Variants in CIRSR observed in about 807,000 individuals in gnomAD.
CIRSR encodes the protein CBF1 (RBPJ) interacting corepressor 1.
the CIRSR span, chr2:174,351,561 C>T: frequency 1.4e-6 from 2 of 1,408,760 alleles, no homozygotes; most frequent in South Asian, 2.4e-5. Flanking sequence ...TAGCAATTCA[C>T]AAGCAATCAC....
chr2:174,377,616 A>C, the CIRSR span, among the ~76,000 whole-genome samples: 1 of 152,124 alleles, frequency 6.6e-6, no homozygotes, highest in South Asian at 2.1e-4. Context: ...CCAGGAGTTC[A>C]AGACCAGCCT....
the CIRSR span, chr2:174,348,826 C>T: frequency 7.4e-6 from 12 of 1,614,158 alleles, no homozygotes; most frequent in South Asian, 1.1e-5. Context: ...CTAGAACTCT[C>T]GTGTTTTAAG....
At chr2:174,353,217 A>G in the CIRSR span, among the ~76,000 whole-genome samples, 11 of 152,244 alleles carry the variant, frequency 7.2e-5, no homozygotes, top group African/African-American at 9.6e-5. Flanking sequence ...TAGTTTTAGG[A>G]AAAAAAGCCT....
the CIRSR span, chr2:174,381,901 T>C: frequency 9.2e-6 from 6 of 650,714 alleles, 1 homozygote; most frequent in Non-Finnish European, 1.6e-5. Flanking sequence ...GAAACAGAGT[T>C]CTAAAACTTT....
the CIRSR span, among the ~76,000 whole-genome samples, chr2:174,360,145 CA>C: frequency 2.0e-5 from 3 of 152,178 alleles, no homozygotes; most frequent in African/African-American, 7.2e-5. Context: ...ACCAACATGG[CA>C]CATGTATACA....
At chr2:174,363,237 T>A in the CIRSR span, among the ~76,000 whole-genome samples, 1 of 152,136 alleles carries the variant, frequency 6.6e-6, no homozygotes, top group Non-Finnish European at 1.5e-5. Context: ...CTCCCCTATA[T>A]CTTACTACCA....
At chr2:174,354,148 T>A in the CIRSR span, among the ~76,000 whole-genome samples, 1 of 151,764 alleles carries the variant, frequency 6.6e-6, no homozygotes, top group Non-Finnish European at 1.5e-5. Context: ...TATTAAACAA[T>A]CATTACTCTT....
At chr2:174,386,143 A>G in the CIRSR span, among the ~76,000 whole-genome samples, 1 of 152,074 alleles carries the variant, frequency 6.6e-6, no homozygotes, top group African/African-American at 2.4e-5. Flanking sequence ...CCATTTTCCA[A>G]TATGTTTTTA....
the CIRSR span, chr2:174,348,688 G>C: frequency 6.2e-7 from 1 of 1,614,054 alleles, no homozygotes; most frequent in South Asian, 1.1e-5. Context: ...CGGCTTCTCC[G>C]GCTCCTTTCC....
chr2:174,381,802 C>T, the CIRSR span: 17 of 1,487,652 alleles, frequency 1.1e-5, no homozygotes, highest in Non-Finnish European at 1.4e-5. Flanking sequence ...ACAAAGTTAA[C>T]GATTTTATGT....
chr2:174,377,332 C>T, the CIRSR span, among the ~76,000 whole-genome samples: 1 of 152,102 alleles, frequency 6.6e-6, no homozygotes, highest in Non-Finnish European at 1.5e-5. Flanking sequence ...GCCTTTCTCC[C>T]TTCTTCTACT....
At chr2:174,375,662 T>A in the CIRSR span, among the ~76,000 whole-genome samples, 1 of 152,206 alleles carries the variant, frequency 6.6e-6, no homozygotes, top group Non-Finnish European at 1.5e-5. Flanking sequence ...TGTGCCAATA[T>A]TGGATGCATA....
At chr2:174,351,172 G>T in the CIRSR span, among the ~76,000 whole-genome samples, 8 of 152,052 alleles carry the variant, frequency 5.3e-5, 1 homozygote, top group African/African-American at 1.9e-4. Flanking sequence ...AATTTCAACA[G>T]CACATTATCA....
the CIRSR span, among the ~76,000 whole-genome samples, chr2:174,364,177 C>T: frequency 6.6e-6 from 1 of 152,160 alleles, no homozygotes; most frequent in Non-Finnish European, 1.5e-5. Flanking sequence ...GCTACAGGCT[C>T]CATGCAAGTC....
At chr2:174,350,887 G>A in the CIRSR span, 1 of 627,264 alleles carries the variant, frequency 1.6e-6, no homozygotes, top group Non-Finnish European at 2.6e-6. Flanking sequence ...AAGTGGGAGA[G>A]AATTAAAAAA....
At chr2:174,384,865 GA>G in the CIRSR span, among the ~76,000 whole-genome samples, 39 of 152,220 alleles carry the variant, frequency 2.6e-4, no homozygotes, top group East Asian at 7.3e-3. Context: ...AATTTACATA[GA>G]TTTTTTTGAC....
the CIRSR span, chr2:174,350,855 G>A: frequency 1.3e-6 from 1 of 764,924 alleles, no homozygotes; most frequent in Non-Finnish European, 2.0e-6. Flanking sequence ...CACTGTAGAT[G>A]AATATGATAT....
the CIRSR span, among the ~76,000 whole-genome samples, chr2:174,360,718 T>C: frequency 6.6e-6 from 1 of 152,156 alleles, no homozygotes; most frequent in Non-Finnish European, 1.5e-5. Context: ...GCAGGGTCAT[T>C]TACTGACAGA....
the CIRSR span, among the ~76,000 whole-genome samples, chr2:174,362,835 T>C: frequency 2.0e-5 from 3 of 151,840 alleles, no homozygotes; most frequent in Non-Finnish European, 2.9e-5. Context: ...GAGCCAGCCA[T>C]TGGTAGGAAT....
Sources: gnomAD v4.1 joint callset for allele counts (sites outside exome capture counted in the v4.1 genomes callset) on GRCh38, gnomAD v4.1.1 for gene constraint, MANE v1.5 for transcripts, NCBI Gene and HGNC (gene_info 2026-07-23, HGNC 2026-07-21) for gene names.